The following AGPAT5 variants were observed in gnomAD, a reference collection of about 807,000 sequenced individuals.
AGPAT5 encodes 1-acyl-sn-glycerol-3-phosphate acyltransferase epsilon.
AGPAT5 carries 46 observed loss-of-function variants against 45.6 expected under a neutral mutation model. The ratio of observed to expected loss-of-function variants is 1.01; its 90% confidence interval spans 0.80 to 1.29. The LOEUF (loss-of-function observed/expected upper bound fraction) is 1.29. Among genes scored for constraint, AGPAT5 ranks in the 50% most tolerant of loss-of-function variants. The probability of loss-of-function intolerance (pLI) is 0.00; values close to 1 mark genes in which losing one functional copy is unlikely to be tolerated. For synonymous variants in AGPAT5, 272 were observed against 167.0 expected (o/e 1.63, Z -4.85); for missense variants, 673 against 450.7 (o/e 1.49, Z -4.47).
At chr8:6,720,933 G>A (rs558574201) in intron 1 of AGPAT5, among the ~76,000 whole-genome samples, 1 of 152,290 alleles carries the variant, frequency 6.6e-6, no homozygotes, top group Admixed American at 6.5e-5. Flanking sequence ...AGTGAGCCGT[G>A]ATGGTCCAAA....
chr8:6,743,482 A>G (rs1363634715), intron 5 of AGPAT5, among the ~76,000 whole-genome samples: 1 of 152,220 alleles, frequency 6.6e-6, no homozygotes, highest in Non-Finnish European at 1.5e-5. Context: ...TAACTCCATC[A>G]TTCAGTTTTT....
In AGPAT5 at chr8:6,738,852, A is replaced by G. The variant is rs543598825; in HGVS notation, c.496-2809A>G. On this transcript the variant is annotated intron_variant, in intron 4 of 7. Transcript: ENST00000285518. ...TTAATTTATTGATTTTTTTTCTCTC[A>G]TAATTTCCACTTTTTGTATCCTATT... Among the ~76,000 whole-genome samples the G allele has an allele frequency of 1.4e-4, 21 of 152,144 alleles. 1 individual carries two copies. The East Asian group carries it at 4.0e-3, about 29-fold the overall frequency.
chr8:6,751,721 T>A (rs572206352), intron 6 of AGPAT5, among the ~76,000 whole-genome samples: 16 of 145,116 alleles, frequency 1.1e-4, no homozygotes, highest in Non-Finnish European at 1.5e-4. Flanking sequence ...GATTTTTTTT[T>A]AATTATTTTT....
intron 2 of AGPAT5, among the ~76,000 whole-genome samples, chr8:6,729,757 C>G (rs1212016418): frequency 6.6e-6 from 1 of 152,186 alleles, no homozygotes; most frequent in Non-Finnish European, 1.5e-5. Context: ...CTAACAACTT[C>G]TAGGAAGTTT....
At position 6,747,712 on chromosome 8, in the gene AGPAT5, C is replaced by T. The variant is rs1422344495; in HGVS notation, c.629C>T (p.Ala210Val). ...CATGTGCTAACACCACGAATAAAGGCAACTCACGTTGCTTTTGATTGCATG... is the reference window on the plus strand; with the variant it reads ...CATGTGCTAACACCACGAATAAAGGTAACTCACGTTGCTTTTGATTGCATG... The part of the protein sequence containing the change: ...LKHVLTPRIK[A>V]THVAFDCMKN... Residue 210 changes from alanine (A) to valine (V), a missense_variant, in exon 6 of 8, where the codon GCA becomes GTA. Ala to Val is a moderately conservative substitution (Grantham distance 64). Transcript: ENST00000285518. 1 of 1,614,150 alleles carries T rather than the reference C, an allele frequency of 6.2e-7. No homozygotes were observed. The highest frequency in any genetic ancestry group is 2.2e-5 in the East Asian group (1 of 44,884).
intron 5 of AGPAT5, among the ~76,000 whole-genome samples, chr8:6,744,480 C>G (rs927680359): frequency 6.6e-6 from 1 of 152,210 alleles, no homozygotes; most frequent in African/African-American, 2.4e-5. Flanking sequence ...CAGCTGAAAT[C>G]AAGGTGTTGG....
At position 6,735,231 on chromosome 8, in the gene AGPAT5, G is replaced by T. The variant is rs1801008021; in HGVS notation, c.495+2581G>T. Among the ~76,000 whole-genome samples, 2 of 152,264 alleles carry T rather than the reference G, an allele frequency of 1.3e-5. 1 individual carries two copies. The highest frequency in any genetic ancestry group is 4.1e-4 in the South Asian group (2 of 4,820). ...TGGGTAGCAGGGTTTTGTTGCCCCTGTTCATCAGTTTCAGGCTGCTGTTCC... is the reference window on the plus strand; with the variant it reads ...TGGGTAGCAGGGTTTTGTTGCCCCTTTTCATCAGTTTCAGGCTGCTGTTCC... On this transcript the variant is annotated intron_variant, in intron 4 of 7. Coordinates refer to ENST00000285518, the MANE Select transcript of AGPAT5 (RefSeq NM_018361.5).
intron 4 of AGPAT5, among the ~76,000 whole-genome samples, chr8:6,736,216 C>T (rs1801049619): frequency 6.6e-6 from 1 of 152,282 alleles, no homozygotes; most frequent in South Asian, 2.1e-4. Context: ...TTTGTCAAAA[C>T]TAAGAAATAA....
Position 6,757,304 on chromosome 8 carries a change from G to T in AGPAT5, c.1011G>T (p.Met337Ile). The change falls in exon 8 of 8, where the codon ATG becomes ATT. Residue 337 changes from methionine (M) to isoleucine (I), a missense_variant. Transcript: ENST00000285518. ...ILSGLTAGML[M>I]TDAGRKLYVN... ...GTGGTTTGACTGCAGGCATGCTTAT[G>T]ACCGATGCTGGAAGGAAGCTGTATG... is the stretch of plus-strand genomic sequence containing the variant. 6.2e-7 allele frequency: 1 copy of T among 1,614,168 alleles called. No homozygotes were observed. Among genetic ancestry groups the T allele is most frequent in the South Asian group, 1.1e-5 (1 of 91,044 alleles).
intron 6 of AGPAT5, among the ~76,000 whole-genome samples, chr8:6,750,654 C>G (rs1205057322): frequency 1.3e-5 from 2 of 150,800 alleles, no homozygotes; most frequent in Non-Finnish European, 3.0e-5. Context: ...GGGTAAAGAA[C>G]AACAATAGAC....
At chr8:6,714,270 G>A (rs1013735911) in intron 1 of AGPAT5, among the ~76,000 whole-genome samples, 1 of 152,170 alleles carries the variant, frequency 6.6e-6, no homozygotes, top group African/African-American at 2.4e-5. Flanking sequence ...GAGAGTGACA[G>A]GACTGTGTAG....
intron 4 of AGPAT5, among the ~76,000 whole-genome samples, chr8:6,734,918 A>G (rs544727485): frequency 1.2e-3 from 178 of 151,990 alleles, no homozygotes; most frequent in Non-Finnish European, 2.3e-3. Flanking sequence ...CTCAGTGTCT[A>G]TTTCACACTC....
chr8:6,717,548 G>C (rs1800370835), intron 1 of AGPAT5, among the ~76,000 whole-genome samples: 1 of 152,200 alleles, frequency 6.6e-6, no homozygotes, highest in African/African-American at 2.4e-5. Flanking sequence ...AAGAAAACTT[G>C]AATATATGCT....
chr8:6,730,949 G>C, intron 3 of AGPAT5, 123 bp downstream of exon 3: 1 of 517,906 alleles, frequency 1.9e-6, no homozygotes, highest in Admixed American at 3.7e-5. Context: ...GCTCACTGCA[G>C]CCTTGACCTC....
intron 2 of AGPAT5, among the ~76,000 whole-genome samples, chr8:6,727,640 C>G (rs1029381079): frequency 1.3e-5 from 2 of 152,220 alleles, no homozygotes; most frequent in South Asian, 4.1e-4. Flanking sequence ...CTCGGCCTCC[C>G]AAAGTGCAGG....
chr8:6,760,106 A>G lies in AGPAT5; in HGVS notation c.*2718A>G, dbSNP rs1047460618. 1.3e-5 allele frequency among the ~76,000 whole-genome samples: 2 copies of G among 152,178 alleles called. No individual in the cohort carries two copies. Among genetic ancestry groups the G allele is most frequent in the African/African-American group, 2.4e-5 (1 of 41,438 alleles). On this transcript the variant is annotated 3_prime_UTR_variant, in exon 8 of 8. Transcript: ENST00000285518. ...ATAAGCTTTATTTTTTCCTTTGTTC[A>G]TAATTATATTCTTTGAATAGGTCTG... is the stretch of plus-strand genomic sequence containing the variant.
intron 4 of AGPAT5, chr8:6,738,538 A>G (rs533222748): frequency 1.3e-5 from 2 of 152,368 alleles, no homozygotes; most frequent in East Asian, 3.9e-4. Flanking sequence ...GAAATATGAC[A>G]CAGAGACGTG....
chr8:6,748,544 G>T (rs1801554331), intron 6 of AGPAT5, among the ~76,000 whole-genome samples: 1 of 151,978 alleles, frequency 6.6e-6, no homozygotes, highest in Non-Finnish European at 1.5e-5. Context: ...TCGCTCTGTC[G>T]CCCAGGCTGG....
intron 2 of AGPAT5, among the ~76,000 whole-genome samples, chr8:6,727,589 C>T (rs775663730): frequency 5.9e-5 from 9 of 152,196 alleles, no homozygotes; most frequent in Non-Finnish European, 1.3e-4. Flanking sequence ...CCATGTTGGT[C>T]AGGCTGGTCT....
Sources: gnomAD v4.1 joint callset for allele counts (sites outside exome capture counted in the v4.1 genomes callset) on GRCh38, gnomAD v4.1.1 for gene constraint, MANE v1.5 for transcripts, NCBI Gene and HGNC (gene_info 2026-07-23, HGNC 2026-07-21) for gene names.